Variants in GDE1 observed in about 807,000 individuals in gnomAD.
GDE1 encodes the protein glycerophosphodiester phosphodiesterase 1.
GDE1 carries 24 observed loss-of-function variants against 32.2 expected under a neutral mutation model. That is an observed-to-expected ratio of 0.75 (90% CI 0.54 to 1.05). The LOEUF is 1.05. GDE1 is among the 50% of genes least tolerant of loss of function. The probability of loss-of-function intolerance (pLI) is 0.00; values close to 1 mark genes in which losing one functional copy is unlikely to be tolerated. For synonymous variants in GDE1, 159 were observed against 158.6 expected (o/e 1.00, Z -0.02); for missense variants, 380 against 415.0 (o/e 0.92, Z 0.73).
At chr16:19,507,953 T>A (rs535669541) in intron 3 of GDE1, among the ~76,000 whole-genome samples, 174 bp from the exon 4 acceptor site, 15 of 152,316 alleles carry the variant, frequency 9.8e-5, no homozygotes, top group African/African-American at 3.4e-4. Flanking sequence ...CATTTTAAAC[T>A]CACACCAGCA....
intron 2 of GDE1, among the ~76,000 whole-genome samples, chr16:19,515,316 G>A (rs114313828): frequency 0.018 from 2,687 of 152,168 alleles, 91 homozygotes; most frequent in African/African-American, 0.062. Flanking sequence ...ACTTCATTTA[G>A]TTTTCAATCA....
chr16:19,505,697 A>C (rs1277099472), intron 4 of GDE1, among the ~76,000 whole-genome samples: 2 of 152,198 alleles, frequency 1.3e-5, no homozygotes, highest in African/African-American at 4.8e-5. Flanking sequence ...TCTGTGGTCA[A>C]GGAAGTTTGG....
intron 1 of GDE1, 50 bp downstream of exon 1, chr16:19,521,654 G>T (rs199742284): frequency 1.9e-6 from 3 of 1,585,874 alleles, no homozygotes; most frequent in Non-Finnish European, 2.6e-6. Context: ...AGGAAAAGTA[G>T]AAGTCCGAGC....
Position 19,521,996 on chromosome 16 carries a change from C to T in GDE1, c.-32G>A. ...GCCCGCACCGGCACGGACGGGAGTCCCGGACCCGCCGGGCTCCTGGGGCAG... is the reference window on the plus strand; with the variant it reads ...GCCCGCACCGGCACGGACGGGAGTCTCGGACCCGCCGGGCTCCTGGGGCAG... On this transcript the variant is annotated 5_prime_UTR_variant, in exon 1 of 6. Coordinates refer to ENST00000353258, the MANE Select transcript of GDE1 (RefSeq NM_016641.4). 6.6e-7 allele frequency: 1 copy of T among 1,510,352 alleles called. No individual in the cohort carries two copies. The highest frequency in any genetic ancestry group is 8.9e-7 in the Non-Finnish European group (1 of 1,125,678). The allele number at this position is 1,510,352 out of a possible 1,614,324, so 93.6% of individuals were successfully genotyped here. A position where few individuals can be genotyped will look rare whatever the true frequency, so the allele number is the denominator to read the frequency against.
chr16:19,502,367 T>C lies in GDE1; in HGVS notation c.*1103A>G, dbSNP rs971367540. 1.5e-5 allele frequency: 2 copies of C among 137,492 alleles called. No individual in the cohort carries two copies. The highest frequency in any genetic ancestry group is 3.1e-5 in the Non-Finnish European group (2 of 65,478). The allele number at this position is 137,492 out of a possible 1,614,324, so 8.5% of individuals were successfully genotyped here. ...TGTAAACAAGATGTTCTAGAAGTTC[T>C]AGTTATCTTTTTTTTTTTTTTTTTT... On this transcript the variant is annotated 3_prime_UTR_variant, in exon 6 of 6. Coordinates refer to ENST00000353258, the MANE Select transcript of GDE1 (RefSeq NM_016641.4).
chr16:19,513,350 G>GTT (rs1352405625), intron 2 of GDE1, among the ~76,000 whole-genome samples: 19 of 138,252 alleles, frequency 1.4e-4, no homozygotes, highest in African/African-American at 5.6e-4. Context: ...TAGGTATTTT[G>GTT]TTATTTTTTT....
chr16:19,517,415 T>C (rs1245609642), intron 1 of GDE1, among the ~76,000 whole-genome samples: 2 of 152,216 alleles, frequency 1.3e-5, no homozygotes, highest in Non-Finnish European at 2.9e-5. Flanking sequence ...ATTTTCCCAC[T>C]CTTCTTACTT....
chr16:19,521,779 C>G lies in GDE1; in HGVS notation c.186G>C (p.Arg62=). The change falls in exon 1 of 6, where the codon CGG becomes CGC. Residue 62 remains arginine (R), a synonymous_variant. Coordinates refer to ENST00000353258, the MANE Select transcript of GDE1 (RefSeq NM_016641.4). Reference sequence around the variant, plus strand: ...GGTGGGCGATGGCAGAAATGCGGTCCCGGGGCTTGAGCACCTGCAGGGCCC... The same window carrying G: ...GGTGGGCGATGGCAGAAATGCGGTCGCGGGGCTTGAGCACCTGCAGGGCCC... The part of the protein sequence containing the change: ...SCRALQVLKP[R]DRISAIAHRG... The G allele has an allele frequency of 6.2e-7, 1 of 1,612,110 alleles. No homozygotes were observed. The highest frequency in any genetic ancestry group is 1.3e-5 in the African/African-American group (1 of 75,062).
chr16:19,520,913 T>C (rs948080819), intron 1 of GDE1, among the ~76,000 whole-genome samples: 3 of 152,040 alleles, frequency 2.0e-5, no homozygotes, highest in African/African-American at 7.3e-5. Flanking sequence ...AGGAGTGCCT[T>C]GTGAAAAGGA....
intron 2 of GDE1, among the ~76,000 whole-genome samples, chr16:19,512,398 T>C (rs1052826887): frequency 1.3e-5 from 2 of 152,190 alleles, no homozygotes; most frequent in African/African-American, 4.8e-5. Flanking sequence ...AGGATTTGAA[T>C]AGATGTTTTT....
chr16:19,515,721 C>G (rs1969372798), intron 2 of GDE1, among the ~76,000 whole-genome samples: 1 of 152,054 alleles, frequency 6.6e-6, no homozygotes. Context: ...CTTCGGCAGA[C>G]TAATGTTTTT....
chr16:19,503,710 A>G lies in GDE1; in HGVS notation c.849-93T>C, dbSNP rs1442658317. On this transcript the variant is annotated intron_variant, in intron 5 of 5. Transcript: ENST00000353258. ...CTAAGTATGGTGTTCACTGCATACC[A>G]ATGGTGCCCAGAGAATGCCTCCTAA... The G allele has an allele frequency of 1.3e-5, 13 of 1,036,068 alleles. No homozygotes were observed. In the African/African-American group the frequency reaches 1.9e-4, roughly 15 times the overall value. The allele number at this position is 1,036,068 out of a possible 1,614,324, so 64.2% of individuals were successfully genotyped here.
chr16:19,508,227 G>A (rs1969272962), intron 3 of GDE1, among the ~76,000 whole-genome samples: 2 of 152,172 alleles, frequency 1.3e-5, no homozygotes, highest in African/African-American at 4.8e-5. Flanking sequence ...GGGACTGAGA[G>A]GACGCATTAC....
At chr16:19,513,292 T>C (rs1000761388) in intron 2 of GDE1, among the ~76,000 whole-genome samples, 2 of 152,144 alleles carry the variant, frequency 1.3e-5, no homozygotes, top group Non-Finnish European at 2.9e-5. Context: ...CAGTGTTTTG[T>C]AGTTTTCCTT....
At chr16:19,506,324 C>CAG (rs374123439) in intron 4 of GDE1, among the ~76,000 whole-genome samples, 114 of 150,830 alleles carry the variant, frequency 7.6e-4, no homozygotes, top group African/African-American at 1.7e-3. Context: ...ACAAAAAAAA[C>CAG]AGAGAGAGAG....
chr16:19,515,969 G>A (rs1969375854), intron 2 of GDE1, among the ~76,000 whole-genome samples: 1 of 152,214 alleles, frequency 6.6e-6, no homozygotes, highest in African/African-American at 2.4e-5. Context: ...GGTGTTTACC[G>A]CTGTAAGTGG....
chr16:19,505,147 A>G (rs1486279973), intron 4 of GDE1, 55 bp from the exon 5 acceptor site: 1 of 1,210,674 alleles, frequency 8.3e-7, no homozygotes, highest in East Asian at 2.3e-5. Flanking sequence ...TTGAATACTT[A>G]TTAGTTTAGA....
chr16:19,517,684 A>G (rs897854200), intron 1 of GDE1, among the ~76,000 whole-genome samples: 1 of 152,198 alleles, frequency 6.6e-6, no homozygotes. Flanking sequence ...AGGACATATC[A>G]CATTTTGTTT....
rs560205626 is a variant in GDE1 at position 19,503,485 on chromosome 16, G to A, written c.981C>T (p.Cys327=). ...SYITDSMVED[C]EPHF ...CCGTGAAAGTCTAGAAGTGAGGTTCGCAGTCTTCTACCATGCTGTCAGTGA... is the reference window on the plus strand; with the variant it reads ...CCGTGAAAGTCTAGAAGTGAGGTTCACAGTCTTCTACCATGCTGTCAGTGA... The change falls in exon 6 of 6, where the codon TGC becomes TGT. Residue 327 remains cysteine (C), a synonymous_variant. Transcript: ENST00000353258. The A allele has an allele frequency of 3.5e-5, 57 of 1,613,500 alleles. No individual in the cohort carries two copies. The highest frequency in any genetic ancestry group is 2.7e-4 in the East Asian group (12 of 44,874).
Sources: allele counts gnomAD v4.1 joint callset (sites outside exome capture counted in the v4.1 genomes callset), GRCh38; gene constraint gnomAD v4.1.1; transcripts MANE v1.5; gene names NCBI Gene and HGNC (gene_info 2026-07-23, HGNC 2026-07-21).